Variants in CACNA2D3 observed in about 807,000 individuals in gnomAD.
CACNA2D3 encodes the protein calcium voltage-gated channel auxiliary subunit alpha2delta 3.
A neutral mutation model predicts 160.6 loss-of-function variants in CACNA2D3; 60 were observed. The observed-to-expected ratio is 0.37, with a 90% confidence interval of 0.30 to 0.46. CACNA2D3 has a LOEUF of 0.46. Among genes scored for constraint, CACNA2D3 ranks in the 20% least tolerant of loss-of-function variants. CACNA2D3 has a pLI of 1.00. For synonymous variants in CACNA2D3, 558 were observed against 492.9 expected, an observed-to-expected ratio of 1.13 and a Z score of -1.75; for missense variants, 1,205 against 1,365.0, an observed-to-expected ratio of 0.88 and a Z score of 1.85.
chr3:54,728,715 A>C (rs540868966), intron 11 of CACNA2D3, among the ~76,000 whole-genome samples: 1 of 152,324 alleles, frequency 6.6e-6, no homozygotes, highest in East Asian at 1.9e-4. Flanking sequence ...AAGTATCTTG[A>C]TCTAATTACA....
intron 35 of CACNA2D3, among the ~76,000 whole-genome samples, chr3:55,054,202 A>G (rs1242939716): frequency 6.6e-6 from 1 of 151,864 alleles, no homozygotes; most frequent in Non-Finnish European, 1.5e-5. Context: ...GTTTTAGCCC[A>G]GTCAGTATTT....
intron 11 of CACNA2D3, among the ~76,000 whole-genome samples, chr3:54,694,210 A>C (rs1047546293): frequency 3.3e-5 from 5 of 152,200 alleles, no homozygotes; most frequent in African/African-American, 4.8e-5. Context: ...AGATAAATAA[A>C]TACTTACCAT....
intron 3 of CACNA2D3, among the ~76,000 whole-genome samples, chr3:54,382,795 A>C (rs566955419): frequency 6.6e-6 from 1 of 152,370 alleles, no homozygotes; most frequent in South Asian, 2.1e-4. Flanking sequence ...AAAACAAAAC[A>C]AAGCAAAGCA....
chr3:54,828,790 A>ATTTC (rs1433921076), intron 14 of CACNA2D3, among the ~76,000 whole-genome samples: 1 of 152,204 alleles, frequency 6.6e-6, no homozygotes, highest in East Asian at 1.9e-4. Flanking sequence ...GTGAAATCTC[A>ATTTC]TGGAAGAATA....
Position 54,576,898 on chromosome 3 carries a change from G to T in CACNA2D3, c.889-4905G>T, listed in dbSNP as rs371863563. Among the ~76,000 whole-genome samples the T allele has an allele frequency of 4.6e-5, 7 of 152,226 alleles. No individual in the cohort carries two copies. The South Asian group carries it at 1.2e-3, about 27-fold the overall frequency. On this transcript the variant is annotated intron_variant, in intron 8 of 37. Transcript: ENST00000474759. ...ATAATAATAAAAAAATTAGCTGGACGTGGTGGCATGTGCCTGTGGTCCGAA... is the reference window on the plus strand; with the variant it reads ...ATAATAATAAAAAAATTAGCTGGACTTGGTGGCATGTGCCTGTGGTCCGAA...
chr3:54,300,447 G>T (rs150820158), intron 2 of CACNA2D3, among the ~76,000 whole-genome samples: 2 of 152,358 alleles, frequency 1.3e-5, no homozygotes, highest in East Asian at 3.9e-4. Flanking sequence ...ATTTTCTAAT[G>T]CTCTATAGCT....
At chr3:54,849,116 A>G (rs1166713515) in intron 17 of CACNA2D3, among the ~76,000 whole-genome samples, 2 of 152,154 alleles carry the variant, frequency 1.3e-5, no homozygotes, top group Non-Finnish European at 2.9e-5. Context: ...ATACACCATC[A>G]GTTTTCTTTT....
chr3:54,642,039 C>A, intron 10 of CACNA2D3, 89 bp from the exon 11 acceptor site: 1 of 736,190 alleles, frequency 1.4e-6, no homozygotes, highest in East Asian at 3.0e-5. Flanking sequence ...AAAAGGCTTC[C>A]TTAGTCCCAG....
In CACNA2D3 at chr3:54,899,785, C is replaced by G; in HGVS notation, c.2369-3C>G. ...TTTGTTGTGGTGTTTTTTCTTTTCACAGGACCAGTCAATAAAAGCAATGTG... is the reference window on the plus strand; with the variant it reads ...TTTGTTGTGGTGTTTTTTCTTTTCAGAGGACCAGTCAATAAAAGCAATGTG... On this transcript the variant is annotated splice_polypyrimidine_tract_variant and splice_region_variant and intron_variant, in intron 26 of 37. Coordinates refer to ENST00000474759, the MANE Select transcript of CACNA2D3 (RefSeq NM_018398.3). 6.2e-7 allele frequency: 1 copy of G among 1,602,784 alleles called. No homozygotes were observed. The highest frequency in any genetic ancestry group is 1.1e-5 in the South Asian group (1 of 88,920).
chr3:54,938,202 C>T (rs1214483432), intron 27 of CACNA2D3, among the ~76,000 whole-genome samples: 2 of 152,334 alleles, frequency 1.3e-5, no homozygotes, highest in East Asian at 3.9e-4. Context: ...GAAGAACCAG[C>T]CCTGCTGGGG....
chr3:54,905,113 G>A (rs979147163), intron 27 of CACNA2D3, among the ~76,000 whole-genome samples: 1 of 152,116 alleles, frequency 6.6e-6, no homozygotes, highest in African/African-American at 2.4e-5. Flanking sequence ...ATTGAGGTAG[G>A]ATTTATATAT....
intron 11 of CACNA2D3, among the ~76,000 whole-genome samples, chr3:54,677,197 T>C (rs1177708775): frequency 6.6e-6 from 1 of 152,214 alleles, no homozygotes; most frequent in Non-Finnish European, 1.5e-5. Context: ...GTAACAGTAC[T>C]TGGTACCATG....
intron 13 of CACNA2D3, among the ~76,000 whole-genome samples, chr3:54,791,406 A>C (rs79656508): frequency 6.6e-6 from 1 of 152,370 alleles, no homozygotes; most frequent in South Asian, 2.1e-4. Context: ...AACAAGGAAG[A>C]GAAATGCAAG....
chr3:54,982,142 C>T (rs1224463892), intron 29 of CACNA2D3, among the ~76,000 whole-genome samples: 1 of 152,130 alleles, frequency 6.6e-6, no homozygotes, highest in Non-Finnish European at 1.5e-5. Context: ...TATCCTGTCA[C>T]CCATAGCCCT....
In CACNA2D3 at chr3:55,074,460, T is replaced by C; in HGVS notation, c.*254T>C. On this transcript the variant is annotated 3_prime_UTR_variant, in exon 38 of 38. Coordinates refer to ENST00000474759, the MANE Select transcript of CACNA2D3 (RefSeq NM_018398.3). ...CATGATAATCACCCTTCATCAGAAA[T>C]GGGACCGCAAGTGGTAGGCAGTGTC... The C allele has an allele frequency of 4.0e-6, 2 of 494,542 alleles. No individual in the cohort carries two copies. The highest frequency in any genetic ancestry group is 7.3e-6 in the Non-Finnish European group (2 of 275,340). The allele number at this position is 494,542 out of a possible 1,614,324, so 30.6% of individuals were successfully genotyped here. A position where few individuals can be genotyped will look rare whatever the true frequency, so the allele number is the denominator to read the frequency against.
At chr3:54,575,896 G>A in intron 8 of CACNA2D3, among the ~76,000 whole-genome samples, 1 of 152,190 alleles carries the variant, frequency 6.6e-6, no homozygotes, top group South Asian at 2.1e-4. Flanking sequence ...CTAAGAAGGA[G>A]CTCTTGGTGT....
chr3:54,138,569 G>C (rs1006274234), intron 2 of CACNA2D3, among the ~76,000 whole-genome samples: 1 of 152,204 alleles, frequency 6.6e-6, no homozygotes, highest in South Asian at 2.1e-4. Flanking sequence ...TCTGACCAGG[G>C]GTCATTGTTT....
At chr3:55,031,927 A>G (rs1703697758) in intron 35 of CACNA2D3, among the ~76,000 whole-genome samples, 1 of 152,180 alleles carries the variant, frequency 6.6e-6, no homozygotes, top group Non-Finnish European at 1.5e-5. Flanking sequence ...TTTAGAAAAC[A>G]AATTATATAT....
chr3:54,123,579 C>T lies in CACNA2D3; in HGVS notation c.189C>T (p.Ser63=). The change falls in exon 2 of 38, where the codon TCC becomes TCT. Residue 63 remains serine (S), a synonymous_variant. Coordinates refer to ENST00000474759, the MANE Select transcript of CACNA2D3 (RefSeq NM_018398.3). ...IKSIAAKYSG[S]QLLQKKYKEY... is the part of the protein sequence containing the mutation. ...CCATTGCTGCTAAGTACTCCGGTTC[C>T]CAGCTTCTGCAAAAGGTAAGGTTTC... 1 of 1,613,628 alleles carries T rather than the reference C, an allele frequency of 6.2e-7. No homozygotes were observed. The highest frequency in any genetic ancestry group is 8.5e-7 in the Non-Finnish European group (1 of 1,179,672).
Sources: gnomAD v4.1 joint callset for allele counts (sites outside exome capture counted in the v4.1 genomes callset) on GRCh38, gnomAD v4.1.1 for gene constraint, MANE v1.5 for transcripts, NCBI Gene and HGNC (gene_info 2026-07-23, HGNC 2026-07-21) for gene names.